GRIK1: variants seen among roughly 807,000 people sequenced by gnomAD.
The protein encoded by GRIK1 is glutamate receptor ionotropic, kainate 1.
In GRIK1, 69 loss-of-function variants were observed where a neutral mutation model predicts 105.7. The observed-to-expected ratio is 0.65, with a 90% CI of 0.54 to 0.80. GRIK1 has a LOEUF of 0.80. Ranked by LOEUF, GRIK1 falls within the 30% of genes least tolerant of loss-of-function variation. The pLI, the probability that GRIK1 is intolerant of heterozygous loss-of-function variation, is 0.00. For synonymous variants in GRIK1, 438 were observed against 431.3 expected (o/e 1.02, Z -0.19); for missense variants, 1,109 against 1,167.3 (o/e 0.95, Z 0.73).
At chr21:29,679,943 A>C (rs2063340137) in intron 3 of GRIK1, among the ~76,000 whole-genome samples, 1 of 152,168 alleles carries the variant, frequency 6.6e-6, no homozygotes, top group Non-Finnish European at 1.5e-5. Flanking sequence ...TTGACATTTG[A>C]TTTAATTGAA....
At chr21:29,846,070 C>A (rs1296132826) in intron 1 of GRIK1, among the ~76,000 whole-genome samples, 3 of 151,996 alleles carry the variant, frequency 2.0e-5, no homozygotes, top group Non-Finnish European at 4.4e-5. Flanking sequence ...CCCCACTGGC[C>A]AAATAGAAAA....
intron 1 of GRIK1, among the ~76,000 whole-genome samples, chr21:29,852,755 G>A (rs115534662): frequency 4.1e-4 from 63 of 152,284 alleles, no homozygotes; most frequent in African/African-American, 1.5e-3. Context: ...ATTTTCTTAT[G>A]TCAGTTTGAG....
At chr21:29,783,347 G>C (rs902551478) in intron 1 of GRIK1, among the ~76,000 whole-genome samples, 1 of 151,972 alleles carries the variant, frequency 6.6e-6, no homozygotes, top group Non-Finnish European at 1.5e-5. Context: ...CTCAATAAAT[G>C]TTTGCTGAAT....
At chr21:29,772,970 C>T (rs2065850072) in intron 1 of GRIK1, among the ~76,000 whole-genome samples, 1 of 151,938 alleles carries the variant, frequency 6.6e-6, no homozygotes, top group South Asian at 2.1e-4. Flanking sequence ...TGTATTGCTC[C>T]ATTTAGTAAT....
intron 14 of GRIK1, among the ~76,000 whole-genome samples, chr21:29,565,524 G>C (rs1420113591): frequency 6.6e-6 from 1 of 152,126 alleles, no homozygotes; most frequent in Non-Finnish European, 1.5e-5. Context: ...CCTCTGACTC[G>C]TGGGTTCAAA....
rs1601247610 is a variant in GRIK1 at position 29,606,686 on chromosome 21, AAAAC to A, written c.1099-7753_1099-7750del. ...TTTTAAAAACAAAACAAAACAAAAC[AAAAC>A]AAAACAAAAAAAACAAAAAAACCCA... On this transcript the variant is annotated intron_variant, in intron 7 of 17. Transcript: ENST00000327783. 2.0e-5 allele frequency among the ~76,000 whole-genome samples: 3 copies of A among 151,416 alleles called. No individual in the cohort carries two copies. The East Asian group carries it at 5.8e-4, about 29-fold the overall frequency.
At chr21:29,810,181 C>A (rs779274496) in intron 1 of GRIK1, among the ~76,000 whole-genome samples, 3 of 151,968 alleles carry the variant, frequency 2.0e-5, no homozygotes, top group East Asian at 1.9e-4. Flanking sequence ...CCTGGAATCC[C>A]AGCTACTCAG....
intron 1 of GRIK1, among the ~76,000 whole-genome samples, chr21:29,930,993 A>G (rs531526384): frequency 1.3e-5 from 2 of 152,314 alleles, no homozygotes; most frequent in Admixed American, 1.3e-4. Flanking sequence ...TTTTTAAAAT[A>G]TAGACTTTAT....
At chr21:29,936,607 A>G (rs139451108) in intron 1 of GRIK1, among the ~76,000 whole-genome samples, 382 of 152,322 alleles carry the variant, frequency 2.5e-3, no homozygotes, top group African/African-American at 6.0e-3. Flanking sequence ...TGAGTGCAGT[A>G]ATAATGTTAA....
chr21:29,766,782 C>T (rs567100446), intron 1 of GRIK1, among the ~76,000 whole-genome samples: 4 of 151,728 alleles, frequency 2.6e-5, no homozygotes, highest in East Asian at 1.9e-4. Context: ...CCCCCAGGGC[C>T]GCATGTACTT....
chr21:29,705,920 C>T (rs2063898412), intron 1 of GRIK1, among the ~76,000 whole-genome samples: 1 of 147,614 alleles, frequency 6.8e-6, no homozygotes, highest in Admixed American at 6.9e-5. Context: ...GTCACCCAGG[C>T]TGCATTGCAG....
intron 6 of GRIK1, among the ~76,000 whole-genome samples, chr21:29,649,354 C>G (rs909240034): frequency 6.6e-6 from 1 of 152,066 alleles, no homozygotes; most frequent in Non-Finnish European, 1.5e-5. Context: ...AGTGAGCTAC[C>G]CTCTTCTGCT....
chr21:29,709,588 G>A (rs949842077), intron 1 of GRIK1, among the ~76,000 whole-genome samples: 4 of 151,828 alleles, frequency 2.6e-5, no homozygotes, highest in Non-Finnish European at 5.9e-5. Flanking sequence ...AATATATGGG[G>A]AAATATTTTT....
At chr21:29,689,475 A>G (rs1255658769) in intron 3 of GRIK1, among the ~76,000 whole-genome samples, 1 of 152,060 alleles carries the variant, frequency 6.6e-6, no homozygotes, top group African/African-American at 2.4e-5. Context: ...ACATATACTG[A>G]TAAGATGATA....
In GRIK1 at chr21:29,839,456, T is replaced by C. The variant is rs114554239; in HGVS notation, c.118+99927A>G. The stretch of plus-strand genomic sequence containing the variant: ...GAATGAAAGAATTAGAATATAAAAT[T>C]TTTGGTAGACTATATTGATAGTCTA... On this transcript the variant is annotated intron_variant, in intron 1 of 17. Coordinates refer to ENST00000327783, the MANE Select transcript of GRIK1 (RefSeq NM_001330994.2). Among the ~76,000 whole-genome samples, 631 of 152,214 alleles carry C rather than the reference T, an allele frequency of 4.1e-3. 3 individuals carry two copies. Among genetic ancestry groups the C allele is most frequent in the Middle Eastern group, 0.017 (5 of 294 alleles).
intron 1 of GRIK1, among the ~76,000 whole-genome samples, chr21:29,834,184 T>C (rs961751089): frequency 2.0e-5 from 3 of 151,860 alleles, no homozygotes; most frequent in African/African-American, 7.2e-5. Flanking sequence ...GCAGTTTTAG[T>C]ATTTTTTTAG....
intron 1 of GRIK1, chr21:29,861,578 A>C: frequency 5.3e-6 from 1 of 187,746 alleles, no homozygotes; most frequent in South Asian, 5.0e-5. Flanking sequence ...AAAGTGTGGG[A>C]TTATAGGTGT....
intron 6 of GRIK1, among the ~76,000 whole-genome samples, chr21:29,647,225 A>G (rs915947499): frequency 2.0e-4 from 31 of 152,216 alleles, no homozygotes; most frequent in African/African-American, 5.8e-4. Context: ...GAGGTTTTGC[A>G]TATGTGATCT....
chr21:29,592,542 C>G (rs1173913122), intron 9 of GRIK1, among the ~76,000 whole-genome samples: 1 of 152,148 alleles, frequency 6.6e-6, no homozygotes, highest in African/African-American at 2.4e-5. Context: ...TTACTGCCAG[C>G]CTCACATGGT....
Sources: allele counts gnomAD v4.1 joint callset (sites outside exome capture counted in the v4.1 genomes callset), GRCh38; gene constraint gnomAD v4.1.1; transcripts MANE v1.5; gene names NCBI Gene and HGNC (gene_info 2026-07-23, HGNC 2026-07-21).